TENM1: variants seen among roughly 807,000 people sequenced by gnomAD.
The protein encoded by TENM1 is teneurin-1.
TENM1 carries 35 observed loss-of-function variants against 174.8 expected under a neutral mutation model. That is an observed-to-expected ratio of 0.20 (90% CI 0.15 to 0.27). The LOEUF is 0.27. Among genes scored for constraint, TENM1 ranks in the 10% least tolerant of loss-of-function variants. The probability of loss-of-function intolerance (pLI) is 1.00; values close to 1 mark genes in which losing one functional copy is unlikely to be tolerated. For synonymous variants in TENM1, 781 were observed against 798.7 expected, an observed-to-expected ratio of 0.98 and a Z score of 0.37; for missense variants, 1,633 against 2,130.1, an observed-to-expected ratio of 0.77 and a Z score of 4.59.
chrX:124,485,318 T>C (rs1175711566), intron 21 of TENM1, among the ~76,000 whole-genome samples: 3 of 111,019 alleles, frequency 2.7e-5, no homozygotes, highest in Non-Finnish European at 5.7e-5. Context: ...GTAAATAAAC[T>C]ATGAAGGGCC....
rs755443515 is a variant in TENM1, at chrX:124,898,321, TGGGA to T, written c.218-2084_218-2081del. Among the ~76,000 whole-genome samples, 526 of 111,308 alleles carry T rather than the reference TGGGA, an allele frequency of 4.7e-3. 2 individuals are homozygous for T. The highest frequency in any genetic ancestry group is 0.016 in the African/African-American group (498 of 30,632). On this transcript the variant is annotated intron_variant, in intron 1 of 31. Coordinates refer to ENST00000422452, the Ensembl canonical transcript of TENM1. Reference sequence around the variant, plus strand: ...GCCCTAGAGATTTACTTGAAGTGGATGGGATCCAGGGAATGGGTAGTAGTGAGGG... The same window carrying T: ...GCCCTAGAGATTTACTTGAAGTGGATTCCAGGGAATGGGTAGTAGTGAGGG...
chrX:125,140,547 T>C, the TENM1 span, among the ~76,000 whole-genome samples: 2 of 111,391 alleles, frequency 1.8e-5, no homozygotes, highest in African/African-American at 6.5e-5. Flanking sequence ...AGGATGACTA[T>C]AGCTAGCTAA....
chrX:124,667,804 T>C (rs1050632396), intron 6 of TENM1, among the ~76,000 whole-genome samples: 9 of 111,032 alleles, frequency 8.1e-5, no homozygotes, highest in Non-Finnish European at 5.6e-5. Flanking sequence ...TCAAATACTC[T>C]TTTTCTTTCA....
chrX:124,919,960 A>G lies in TENM1; in HGVS notation c.218-23719T>C, dbSNP rs974737488. On this transcript the variant is annotated intron_variant, in intron 1 of 31. Coordinates refer to ENST00000422452, the Ensembl canonical transcript of TENM1. ...AGAACCGATACTCAAAATAATGAAC[A>G]TAAGTCACTAAAGATGATCAGTCAT... Among the ~76,000 whole-genome samples, 4 of 111,402 alleles carry G rather than the reference A, an allele frequency of 3.6e-5. No homozygotes were observed. In the Admixed American group the frequency reaches 3.8e-4, roughly 11 times the overall value.
At chrX:124,503,907 G>C (rs2047386821) in intron 18 of TENM1, among the ~76,000 whole-genome samples, 1 of 111,863 alleles carries the variant, frequency 8.9e-6, no homozygotes, top group South Asian at 3.7e-4. Flanking sequence ...GGGCATATCG[G>C]ATAAATATAT....
chrX:124,941,425 T>A (rs2058324688), intron 1 of TENM1, among the ~76,000 whole-genome samples: 1 of 111,813 alleles, frequency 8.9e-6, no homozygotes, highest in South Asian at 3.7e-4. Flanking sequence ...TTCCTGTCAG[T>A]CATTTAAATG....
At chrX:124,899,163 C>A (rs151107327) in intron 1 of TENM1, among the ~76,000 whole-genome samples, 1 of 111,260 alleles carries the variant, frequency 9.0e-6, no homozygotes, top group Non-Finnish European at 1.9e-5. Context: ...GCACTTACAA[C>A]GCACCACAAG....
chrX:124,724,069 T>C (rs1201803613), intron 4 of TENM1, among the ~76,000 whole-genome samples: 1 of 112,370 alleles, frequency 8.9e-6, no homozygotes. Context: ...TTTTTCTCTA[T>C]TTATTCCTTT....
chrX:125,146,598 A>T, the TENM1 span, among the ~76,000 whole-genome samples: 2 of 111,675 alleles, frequency 1.8e-5, no homozygotes, highest in African/African-American at 6.5e-5. Context: ...GAGAGAATTA[A>T]GGGTACATAA....
chrX:124,502,248 T>C (rs185304070), intron 19 of TENM1, among the ~76,000 whole-genome samples: 10 of 108,269 alleles, frequency 9.2e-5, no homozygotes, highest in African/African-American at 2.4e-4. Flanking sequence ...TAAAAACTAA[T>C]TACTGGTGAA....
At chrX:124,384,551 G>T in exon 30 of TENM1, 3 of 1,210,677 alleles carry the variant, frequency 2.5e-6, no homozygotes, top group Non-Finnish European at 3.4e-6. Context: ...CATCCAGTAG[G>T]CAATTGCCTT....
At chrX:124,966,018 T>C (rs1478444559), upstream of TENM1, among the ~76,000 whole-genome samples, 1 of 111,899 alleles carries the variant, frequency 8.9e-6, no homozygotes, top group Non-Finnish European at 1.9e-5. Flanking sequence ...CCAAAGAACT[T>C]GAAGTCATTT....
intron 3 of TENM1, among the ~76,000 whole-genome samples, chrX:124,861,179 T>C (rs944167719): frequency 7.2e-5 from 8 of 111,647 alleles, no homozygotes; most frequent in African/African-American, 2.6e-4. Context: ...TGAGGGCGAG[T>C]AAAAATATAT....
intron 16 of TENM1, among the ~76,000 whole-genome samples, chrX:124,526,835 C>A: frequency 8.9e-6 from 1 of 112,278 alleles, no homozygotes; most frequent in East Asian, 2.8e-4. Flanking sequence ...ACCCTCTCTT[C>A]ATCTTCTAGT....
chrX:124,938,254 CCTG>C (rs1388692008), intron 1 of TENM1, among the ~76,000 whole-genome samples: 3 of 111,762 alleles, frequency 2.7e-5, no homozygotes, highest in Non-Finnish European at 5.6e-5. Flanking sequence ...CTATAAATAA[CCTG>C]CTAACAATTT....
the TENM1 span, among the ~76,000 whole-genome samples, chrX:125,040,911 G>C: frequency 9.0e-6 from 1 of 111,543 alleles, no homozygotes; most frequent in Non-Finnish European, 1.9e-5. Context: ...TTTTCAGAAA[G>C]TAATCTTCTG....
At chrX:125,093,322 C>G in the TENM1 span, among the ~76,000 whole-genome samples, 1 of 111,474 alleles carries the variant, frequency 9.0e-6, no homozygotes, top group East Asian at 2.8e-4. Context: ...CACAAAGAGT[C>G]ACTTCCTCTA....
the TENM1 span, among the ~76,000 whole-genome samples, chrX:125,053,875 T>C: frequency 9.0e-6 from 1 of 111,103 alleles, no homozygotes; most frequent in African/African-American, 3.3e-5. Context: ...AGACAGTAAA[T>C]AAGAGACACA....
the TENM1 span, among the ~76,000 whole-genome samples, chrX:125,148,776 C>T: frequency 1.8e-5 from 2 of 111,794 alleles, no homozygotes; most frequent in African/African-American, 6.5e-5. Context: ...TCTCCATATA[C>T]AAGTGGTTAC....
Sources: gnomAD v4.1 joint callset for allele counts (sites outside exome capture counted in the v4.1 genomes callset) on GRCh38, gnomAD v4.1.1 for gene constraint, MANE v1.5 for transcripts, NCBI Gene and HGNC (gene_info 2026-07-23, HGNC 2026-07-21) for gene names.